Variants in UNC45B observed in about 807,000 individuals in gnomAD.
UNC45B encodes unc-45 myosin chaperone B, also known as protein unc-45 homolog B.
Under a neutral mutation model 98.7 loss-of-function variants are expected in UNC45B, and 78 were observed. The observed-to-expected ratio is 0.79, with a 90% CI of 0.66 to 0.95. UNC45B has a LOEUF of 0.95. UNC45B is among the 40% of genes least tolerant of loss of function. UNC45B has a pLI of 0.00. For missense variants in UNC45B, 1,225 were observed against 1,184.9 expected (o/e 1.03, Z -0.50); for synonymous variants, 462 against 480.4 (o/e 0.96, Z 0.50).
In UNC45B at chr17:35,186,362, C is replaced by T. The variant is rs200940318; in HGVS notation, c.2593C>T (p.Arg865Trp). The T allele has an allele frequency of 3.7e-5, 59 of 1,614,186 alleles. No individual in the cohort carries two copies. The African/African-American group carries it at 6.4e-4, about 18-fold the overall frequency. ...GCACGACCAGCTGTCTGTCCAACAC[C>T]GGGGCCTGGTCATTGCCTACAACCT... The part of the protein sequence containing the change: ...CLHDQLSVQH[R>W]GLVIAYNLLA... Residue 865 changes from arginine (R) to tryptophan (W), a missense_variant, in exon 20 of 20, where the codon CGG becomes TGG. Coordinates refer to ENST00000394570, the MANE Select transcript of UNC45B (RefSeq NM_001267052.2).
chr17:35,154,985 G>A (rs2092048248), intron 6 of UNC45B, among the ~76,000 whole-genome samples: 1 of 152,336 alleles, frequency 6.6e-6, no homozygotes, highest in South Asian at 2.1e-4. Context: ...TTCATGCTAA[G>A]TCTTTGAAAC....
At chr17:35,156,686 A>G (rs1388939560) in intron 7 of UNC45B, among the ~76,000 whole-genome samples, 1 of 152,206 alleles carries the variant, frequency 6.6e-6, no homozygotes, top group Non-Finnish European at 1.5e-5. Flanking sequence ...AAAAAAAGTA[A>G]CAGAGGCTTA....
chr17:35,153,012 C>T lies in UNC45B; in HGVS notation c.471+30C>T, dbSNP rs757248437. ...GTGCTGGCCAGTGCCATCCAGCCAG[C>T]AGAAGGACCCGCCAGTCTGGACAGT... On this transcript the variant is annotated intron_variant, in intron 5 of 19. Transcript: ENST00000394570. 7 of 1,525,504 alleles carry T rather than the reference C, an allele frequency of 4.6e-6. No individual in the cohort carries two copies. In the South Asian group the frequency reaches 8.7e-5, roughly 19 times the overall value. 94.5% of individuals were successfully genotyped at this position (1,525,504 alleles called of 1,614,324 possible).
rs1204123973 is a variant in UNC45B, at chr17:35,170,316, C to A, written c.1689+61C>A. ...CAGGAAAGGTCTGCTGGGTCCAGAC[C>A]CACAGGGAATGGATCCCAGTCTTCC... On this transcript the variant is annotated intron_variant, in intron 12 of 19. Transcript: ENST00000394570. 11 of 1,490,110 alleles carry A rather than the reference C, an allele frequency of 7.4e-6. No homozygotes were observed. In the East Asian group the frequency reaches 2.6e-4, roughly 35 times the overall value. The allele number at this position is 1,490,110 out of a possible 1,614,324, so 92.3% of individuals were successfully genotyped here. A position where few individuals can be genotyped will look rare whatever the true frequency, so the allele number is the denominator to read the frequency against.
At chr17:35,162,305 C>A (rs2092107789) in intron 8 of UNC45B, among the ~76,000 whole-genome samples, 2 of 152,138 alleles carry the variant, frequency 1.3e-5, no homozygotes, top group South Asian at 4.1e-4. Context: ...TCTGTGCTAA[C>A]CCCAAGTGGT....
rs551810923 is a variant in UNC45B, at chr17:35,155,181, T to C, written c.640-115T>C. The C allele has an allele frequency of 5.3e-6, 7 of 1,320,680 alleles. No homozygotes were observed. In the East Asian group the frequency reaches 9.5e-5, roughly 18 times the overall value. The allele number at this position is 1,320,680 out of a possible 1,614,324, so 81.8% of individuals were successfully genotyped here. A position where few individuals can be genotyped will look rare whatever the true frequency, so the allele number is the denominator to read the frequency against. On this transcript the variant is annotated intron_variant, in intron 6 of 19. Transcript: ENST00000394570. ...CCCATGAGGCAATGGCTGCCTGGGC[T>C]GATTTCTCTACTGCATGGGATAGGG...
In UNC45B at chr17:35,186,302, A is replaced by G; in HGVS notation, c.2533A>G (p.Thr845Ala). 2.5e-6 allele frequency: 4 copies of G among 1,613,732 alleles called. No homozygotes were observed. Among genetic ancestry groups the G allele is most frequent in the Non-Finnish European group, 3.4e-6 (4 of 1,179,966 alleles). ...KLCLKMTQVT[T>A]QWLEILQRLC... The stretch of plus-strand genomic sequence containing the variant: ...TTACCTTTTTCCCTGCCTCCAGACA[A>G]CCCAGTGGTTGGAGATCCTCCAGCG... The change falls in exon 20 of 20, where the codon ACC becomes GCC. Residue 845 changes from threonine (T) to alanine (A), a missense_variant. Coordinates refer to ENST00000394570, the MANE Select transcript of UNC45B (RefSeq NM_001267052.2).
Position 35,168,298 on chromosome 17 carries a change from G to T in UNC45B, c.1389G>T (p.Val463=). The T allele has an allele frequency of 1.4e-6, 2 of 1,471,190 alleles. No homozygotes were observed. Among genetic ancestry groups the T allele is most frequent in the East Asian group, 2.5e-5 (1 of 39,362 alleles). 91.1% of individuals were successfully genotyped at this position (1,471,190 alleles called of 1,614,324 possible). ...CCACCTTCATCATCACCAATGGAGT[G>T]TCACTGCTCAAACAGATCTACAAGA... The part of the protein sequence containing the change: ...SRATFIITNG[V]SLLKQIYKTT... The change falls in exon 10 of 20, where the codon GTG becomes GTT. Residue 463 remains valine, a synonymous_variant. Coordinates refer to ENST00000394570, the MANE Select transcript of UNC45B (RefSeq NM_001267052.2).
At chr17:35,171,793 T>A (rs1035305759) in intron 13 of UNC45B, among the ~76,000 whole-genome samples, 8 of 152,228 alleles carry the variant, frequency 5.3e-5, no homozygotes, top group African/African-American at 1.7e-4. Flanking sequence ...GATAACAATT[T>A]GATTTTCTCA....
At chr17:35,179,069 T>C (rs2092255991) in intron 17 of UNC45B, among the ~76,000 whole-genome samples, 1 of 152,226 alleles carries the variant, frequency 6.6e-6, no homozygotes. Context: ...AACTTTAAAG[T>C]AGTTTTTTCC....
chr17:35,153,084 C>G, intron 5 of UNC45B, 102 bp downstream of exon 5: 1 of 1,006,526 alleles, frequency 9.9e-7, no homozygotes, highest in Non-Finnish European at 1.5e-6. Context: ...GTCTTTGCAG[C>G]CCAGGAAGGA....
intron 8 of UNC45B, among the ~76,000 whole-genome samples, chr17:35,162,840 T>C (rs764852878): frequency 1.3e-5 from 2 of 152,162 alleles, no homozygotes; most frequent in African/African-American, 2.4e-5. Flanking sequence ...TAGAGTTTCA[T>C]GCCTCCCAGC....
rs1363441374 is a variant in UNC45B at position 35,187,943 on chromosome 17, A to C, written c.*1384A>C. 2.6e-5 allele frequency: 4 copies of C among 152,208 alleles called. No individual in the cohort carries two copies. The highest frequency in any genetic ancestry group is 9.7e-5 in the African/African-American group (4 of 41,446). The allele number at this position is 152,208 out of a possible 1,614,324, so 9.4% of individuals were successfully genotyped here. Reference sequence around the variant, plus strand: ...CATTCAGATTTACGGTCCTTGATAAAAACAATTTACAACGTTCCGTTGTGT... The same window carrying C: ...CATTCAGATTTACGGTCCTTGATAACAACAATTTACAACGTTCCGTTGTGT... On this transcript the variant is annotated 3_prime_UTR_variant, in exon 20 of 20. Coordinates refer to ENST00000394570, the MANE Select transcript of UNC45B (RefSeq NM_001267052.2).
intron 8 of UNC45B, 58 bp from the exon 9 acceptor site, chr17:35,163,937 G>T: frequency 6.7e-7 from 1 of 1,502,626 alleles, no homozygotes. Flanking sequence ...TGAGTGAGGG[G>T]TGTGTGTGAG....
chr17:35,183,503 A>G lies in UNC45B; in HGVS notation c.2450A>G (p.Lys817Arg), dbSNP rs2092286015. The change falls in exon 19 of 20, where the codon AAG (lysine) becomes AGG (arginine). Residue 817 changes from lysine to arginine, a missense_variant. By Grantham distance (26) the Lys-to-Arg change is conservative. Coordinates refer to ENST00000394570, the MANE Select transcript of UNC45B (RefSeq NM_001267052.2). ...VVLLCGEDDD[K>R]VQNAAAGALA... ...CTGCTCTGCGGGGAGGATGATGATAAGGTGCAGAATGCGGCTGCAGGGGCT... is the reference window on the plus strand; with the variant it reads ...CTGCTCTGCGGGGAGGATGATGATAGGGTGCAGAATGCGGCTGCAGGGGCT... 1.2e-6 allele frequency: 2 copies of G among 1,606,476 alleles called. No homozygotes were observed. Among genetic ancestry groups the G allele is most frequent in the South Asian group, 1.1e-5 (1 of 90,044 alleles).
intron 9 of UNC45B, among the ~76,000 whole-genome samples, chr17:35,166,484 G>A (rs1015945561): frequency 1.3e-5 from 2 of 152,214 alleles, no homozygotes; most frequent in African/African-American, 4.8e-5. Context: ...GCTAGTTCTT[G>A]TTTGGGCTTG....
At chr17:35,166,660 A>G (rs1342469733) in intron 9 of UNC45B, among the ~76,000 whole-genome samples, 4 of 152,148 alleles carry the variant, frequency 2.6e-5, no homozygotes, top group Non-Finnish European at 4.4e-5. Context: ...TCAGACCGCA[A>G]CTAATTACGA....
At chr17:35,159,044 T>C (rs2092083193) in intron 7 of UNC45B, among the ~76,000 whole-genome samples, 1 of 152,168 alleles carries the variant, frequency 6.6e-6, no homozygotes. Flanking sequence ...ATTAAATCAG[T>C]TTATTAGAAA....
chr17:35,172,947 C>G (rs1037210625), intron 13 of UNC45B, among the ~76,000 whole-genome samples: 2 of 152,076 alleles, frequency 1.3e-5, no homozygotes, highest in African/African-American at 4.8e-5. Context: ...CAGGCTCTGT[C>G]TTGGGATTAG....
Sources: gnomAD v4.1 joint callset for allele counts (sites outside exome capture counted in the v4.1 genomes callset) on GRCh38, gnomAD v4.1.1 for gene constraint, MANE v1.5 for transcripts, NCBI Gene and HGNC (gene_info 2026-07-23, HGNC 2026-07-21) for gene names.